NRXN1: variants seen among roughly 807,000 people sequenced by gnomAD.
NRXN1 encodes neurexin-1.
Under a neutral mutation model 150.9 loss-of-function variants are expected in NRXN1, and 39 were observed. The ratio of observed to expected loss-of-function variants is 0.26; its 90% CI spans 0.20 to 0.34. NRXN1 has a LOEUF of 0.34. Among genes scored for constraint, NRXN1 ranks in the 10% least tolerant of loss-of-function variants. NRXN1 has a pLI of 1.00. For synonymous variants in NRXN1, 924 were observed against 757.0 expected (o/e 1.22, Z -3.62); for missense variants, 1,815 against 1,949.9 (o/e 0.93, Z 1.30).
At chr2:50,073,748 A>T (rs1356095531) in intron 19 of NRXN1, among the ~76,000 whole-genome samples, 1 of 152,212 alleles carries the variant, frequency 6.6e-6, no homozygotes, top group African/African-American at 2.4e-5. Context: ...TGAGAATAAA[A>T]AAAAAGCATA....
intron 21 of NRXN1, among the ~76,000 whole-genome samples, chr2:49,992,387 A>C (rs1292171100): frequency 1.4e-5 from 1 of 69,444 alleles, no homozygotes; most frequent in African/African-American, 5.4e-5. Context: ...AAATACAAAC[A>C]AAAAAAAAAC....
At chr2:50,723,802 T>C (rs574399348) in intron 5 of NRXN1, among the ~76,000 whole-genome samples, 53 of 152,186 alleles carry the variant, frequency 3.5e-4, no homozygotes, top group Non-Finnish European at 6.8e-4. Flanking sequence ...TGGAGAGGCC[T>C]CTGAATGATC....
intron 18 of NRXN1, among the ~76,000 whole-genome samples, chr2:50,207,246 G>A (rs1479146514): frequency 1.3e-5 from 2 of 151,928 alleles, no homozygotes; most frequent in African/African-American, 2.4e-5. Context: ...TAGAACAGGT[G>A]TATGAATTTA....
rs376120207 is a variant in NRXN1, at chr2:50,534,130, T to C, written c.2144-2700A>G. Among the ~76,000 whole-genome samples the C allele has an allele frequency of 4.4e-3, 609 of 138,618 alleles. 12 individuals are homozygous for C. Among genetic ancestry groups the C allele is most frequent in the Admixed American group, 0.028 (387 of 13,968 alleles). 90.9% of individuals were successfully genotyped at this position (138,618 alleles called of 152,430 possible). ...ACACACACACACACACACACACACATACACACACAGTGAGCTAATTTCAAT... is the reference window on the plus strand; with the variant it reads ...ACACACACACACACACACACACACACACACACACAGTGAGCTAATTTCAAT... On this transcript the variant is annotated intron_variant, in intron 10 of 22. Transcript: ENST00000401669.
chr2:50,655,002 T>A (rs1518550), intron 5 of NRXN1, among the ~76,000 whole-genome samples: 70,912 of 151,766 alleles, frequency 0.47, 17,932 homozygotes, highest in East Asian at 0.65. Flanking sequence ...AAAAAAGGTC[T>A]AATTAATTTG....
intron 5 of NRXN1, among the ~76,000 whole-genome samples, chr2:50,737,078 T>C (rs550489016): frequency 6.6e-6 from 1 of 151,754 alleles, no homozygotes; most frequent in South Asian, 2.1e-4. Context: ...GCCAACATGA[T>C]GAAACCCCAT....
intron 2 of NRXN1, among the ~76,000 whole-genome samples, chr2:50,954,465 A>T (rs1039894626): frequency 2.0e-5 from 3 of 152,202 alleles, no homozygotes; most frequent in African/African-American, 7.2e-5. Flanking sequence ...GAGCGGGTTC[A>T]GCCATTTATG....
At chr2:50,083,940 T>C (rs1005690693) in intron 19 of NRXN1, among the ~76,000 whole-genome samples, 3 of 152,064 alleles carry the variant, frequency 2.0e-5, no homozygotes, top group Non-Finnish European at 4.4e-5. Context: ...AGAGCGCAGA[T>C]TGGTGCATTT....
chr2:50,421,317 T>G (rs2104256271), intron 17 of NRXN1, among the ~76,000 whole-genome samples: 1 of 152,228 alleles, frequency 6.6e-6, no homozygotes, highest in African/African-American at 2.4e-5. Context: ...AATTTACATC[T>G]ATTCTCCCTT....
At chr2:50,046,421 C>T (rs1233159329) in intron 21 of NRXN1, among the ~76,000 whole-genome samples, 1 of 152,124 alleles carries the variant, frequency 6.6e-6, no homozygotes, top group Non-Finnish European at 1.5e-5. Context: ...TCTTCAAGGG[C>T]AGAGAAAATA....
At chr2:49,945,862 C>A (rs184378462) in intron 21 of NRXN1, among the ~76,000 whole-genome samples, 104 of 152,218 alleles carry the variant, frequency 6.8e-4, no homozygotes, top group Non-Finnish European at 1.2e-3. Flanking sequence ...GTACATGTGT[C>A]TTTATAGTAA....
intron 21 of NRXN1, among the ~76,000 whole-genome samples, chr2:50,051,185 T>A (rs757060443): frequency 1.3e-4 from 20 of 152,002 alleles, no homozygotes; most frequent in Non-Finnish European, 2.5e-4. Context: ...AATGCATAAA[T>A]CTTTATTTCT....
intron 17 of NRXN1, among the ~76,000 whole-genome samples, chr2:50,442,669 T>C (rs977556965): frequency 6.6e-6 from 1 of 152,020 alleles, no homozygotes; most frequent in Admixed American, 6.6e-5. Flanking sequence ...AATATCAGAG[T>C]TACTGGCATA....
intron 18 of NRXN1, among the ~76,000 whole-genome samples, chr2:50,222,840 T>C (rs908921650): frequency 6.6e-6 from 1 of 151,928 alleles, no homozygotes; most frequent in Admixed American, 6.6e-5. Context: ...ACCTATACTA[T>C]ACACAAAAAA....
intron 8 of NRXN1, chr2:50,589,142 T>C (rs995209982): frequency 6.6e-5 from 10 of 152,354 alleles, no homozygotes; most frequent in Non-Finnish European, 1.5e-4. Context: ...GGTATCAAGG[T>C]TGTGGTCTGT....
chr2:50,024,627 T>C (rs750696618), intron 21 of NRXN1, among the ~76,000 whole-genome samples: 8 of 152,160 alleles, frequency 5.3e-5, no homozygotes, highest in Non-Finnish European at 1.2e-4. Flanking sequence ...ATTCTTTTTT[T>C]TTTTGGAGAC....
chr2:50,665,851 A>G (rs1687948289), intron 5 of NRXN1, among the ~76,000 whole-genome samples: 2 of 152,004 alleles, frequency 1.3e-5, no homozygotes, highest in Admixed American at 1.3e-4. Flanking sequence ...GGTTCAATTA[A>G]TTAAGTGTGT....
chr2:50,549,907 T>C (rs1211851736), intron 9 of NRXN1, among the ~76,000 whole-genome samples: 1 of 152,132 alleles, frequency 6.6e-6, no homozygotes, highest in Non-Finnish European at 1.5e-5. Flanking sequence ...TATGCATATA[T>C]ATACATACAT....
At chr2:50,420,060 A>G (rs1261204762) in intron 17 of NRXN1, among the ~76,000 whole-genome samples, 3 of 152,068 alleles carry the variant, frequency 2.0e-5, no homozygotes, top group Non-Finnish European at 4.4e-5. Flanking sequence ...AATAAAAGAG[A>G]CTAAACATAG....
Sources: allele counts gnomAD v4.1 joint callset (sites outside exome capture counted in the v4.1 genomes callset), GRCh38; gene constraint gnomAD v4.1.1; transcripts MANE v1.5; gene names NCBI Gene and HGNC (gene_info 2026-07-23, HGNC 2026-07-21).